DSE: variants seen among roughly 807,000 people sequenced by gnomAD.
The protein encoded by DSE is dermatan sulfate epimerase.
DSE carries 36 observed loss-of-function variants against 84.4 expected under a neutral mutation model. That is an observed-to-expected ratio of 0.43 (90% CI 0.33 to 0.56). The LOEUF (loss-of-function observed/expected upper bound fraction) is 0.56, where lower values mean the gene tolerates loss of function less well. DSE is among the 20% of genes least tolerant of loss of function. The pLI is 0.06. For synonymous variants in DSE, 410 were observed against 430.1 expected, an observed-to-expected ratio of 0.95 and a Z score of 0.58; for missense variants, 862 against 1,169.6, an observed-to-expected ratio of 0.74 and a Z score of 3.84.
intron 2 of DSE, among the ~76,000 whole-genome samples, chr6:116,316,820 C>T (rs1271771410): frequency 2.1e-5 from 2 of 97,532 alleles, no homozygotes; most frequent in Admixed American, 9.1e-5. Flanking sequence ...ACTACTACTA[C>T]TACTACTATT....
At chr6:116,349,300 G>A (rs909059402) in intron 2 of DSE, among the ~76,000 whole-genome samples, 1 of 152,284 alleles carries the variant, frequency 6.6e-6, no homozygotes, top group South Asian at 2.1e-4. Context: ...ATTGGATAGA[G>A]GTTGTGCTGA....
At chr6:116,303,706 A>C (rs1775173990) in intron 2 of DSE, among the ~76,000 whole-genome samples, 2 of 152,302 alleles carry the variant, frequency 1.3e-5, no homozygotes, top group East Asian at 3.9e-4. Flanking sequence ...CTTAAAAAGC[A>C]GTTACAATTC....
chr6:116,366,585 A>G (rs765302785), upstream of DSE: 11 of 152,230 alleles, frequency 7.2e-5, no homozygotes, highest in Non-Finnish European at 1.6e-4. Context: ...GTAGTTTATA[A>G]TAAGAGGTGA....
chr6:116,254,630 T>TA (rs1772066667), intron 1 of DSE, among the ~76,000 whole-genome samples: 1 of 152,238 alleles, frequency 6.6e-6, no homozygotes, highest in Non-Finnish European at 1.5e-5. Context: ...CAATTTGTCT[T>TA]ACAGATTTTA....
At chr6:116,322,389 A>G (rs2114765343) in intron 2 of DSE, among the ~76,000 whole-genome samples, 1 of 152,198 alleles carries the variant, frequency 6.6e-6, no homozygotes, top group South Asian at 2.1e-4. Context: ...CTCCTCCCTT[A>G]ATAGAATAAG....
intron 2 of DSE, among the ~76,000 whole-genome samples, chr6:116,311,667 C>T (rs991592858): frequency 6.6e-6 from 1 of 152,214 alleles, no homozygotes; most frequent in African/African-American, 2.4e-5. Flanking sequence ...CATTGTGCTC[C>T]AACCTCTGCT....
At chr6:116,376,961 A>G (rs1583127864) in intron 1 of DSE, among the ~76,000 whole-genome samples, 2 of 152,038 alleles carry the variant, frequency 1.3e-5, no homozygotes, top group Non-Finnish European at 2.9e-5. Context: ...GCCAACCCCC[A>G]CCTTTTGAGT....
At chr6:116,371,178 G>A (rs1779531124) in intron 1 of DSE, 57 bp downstream of exon 1, 16 of 985,622 alleles carry the variant, frequency 1.6e-5, no homozygotes, top group Non-Finnish European at 1.9e-5. Flanking sequence ...CTTTCTTCGG[G>A]AGTTTCGGGC....
chr6:116,395,424 A>G (rs963800547), intron 1 of DSE, among the ~76,000 whole-genome samples: 7 of 149,648 alleles, frequency 4.7e-5, no homozygotes, highest in Middle Eastern at 3.8e-3. Context: ...GACTCCGTCT[A>G]AAAAATAAAG....
intron 2 of DSE, among the ~76,000 whole-genome samples, chr6:116,293,521 G>A (rs1412339029): frequency 6.6e-6 from 1 of 152,088 alleles, no homozygotes; most frequent in East Asian, 1.9e-4. Context: ...ATATTTGTTT[G>A]AAGAGTGATT....
At chr6:116,397,652 T>C (rs926691868) in intron 1 of DSE, among the ~76,000 whole-genome samples, 5 of 152,226 alleles carry the variant, frequency 3.3e-5, no homozygotes, top group Non-Finnish European at 7.3e-5. Context: ...GCTGGGTCTC[T>C]GACCTTGAAG....
At chr6:116,308,453 AAACAT>A (rs1178086475) in intron 2 of DSE, among the ~76,000 whole-genome samples, 2 of 152,228 alleles carry the variant, frequency 1.3e-5, no homozygotes, top group African/African-American at 2.4e-5. Flanking sequence ...ATATGAATGA[AAACAT>A]AAGGAATATT....
intron 2 of DSE, among the ~76,000 whole-genome samples, chr6:116,353,974 A>G (rs1310797390): frequency 6.6e-6 from 1 of 152,228 alleles, no homozygotes; most frequent in Admixed American, 6.5e-5. Context: ...GTCTTCAGAT[A>G]CTGAATTATA....
At chr6:116,322,234 C>T (rs1006503807) in intron 2 of DSE, among the ~76,000 whole-genome samples, 11 of 152,114 alleles carry the variant, frequency 7.2e-5, no homozygotes, top group Middle Eastern at 3.4e-3. Flanking sequence ...ATAACATAAC[C>T]GATTAGGTCG....
intron 2 of DSE, among the ~76,000 whole-genome samples, chr6:116,315,416 G>T (rs1449025231): frequency 2.0e-5 from 3 of 151,744 alleles, no homozygotes; most frequent in African/African-American, 7.3e-5. Flanking sequence ...AATGTCATAA[G>T]GGCAGGAATT....
At chr6:116,338,245 G>A (rs796350001) in intron 2 of DSE, among the ~76,000 whole-genome samples, 109 of 95,872 alleles carry the variant, frequency 1.1e-3, no homozygotes, top group African/African-American at 4.8e-3. Context: ...TTTTTTTGAC[G>A]GAGGTTTGCT....
chr6:116,409,078 GGATATATAT>G (rs1317360151), intron 2 of DSE, among the ~76,000 whole-genome samples: 1 of 151,894 alleles, frequency 6.6e-6, no homozygotes, highest in Non-Finnish European at 1.5e-5. Context: ...TGTAATTTGG[GGATATATAT>G]GATATATACT....
At chr6:116,396,957 A>C (rs975101334) in intron 1 of DSE, among the ~76,000 whole-genome samples, 3 of 152,074 alleles carry the variant, frequency 2.0e-5, no homozygotes, top group African/African-American at 7.2e-5. Flanking sequence ...ATGCCTTCTT[A>C]CCCATATGCT....
rs548961586 is a variant in DSE at position 116,437,402 on chromosome 6, A to C, written c.*57A>C. The stretch of plus-strand genomic sequence containing the variant: ...TGATCACAAGAGTCTATGCAAAAAA[A>C]AAAATTTCTTTACCCCAGATTATCA... On this transcript the variant is annotated 3_prime_UTR_variant, in exon 6 of 6. Coordinates refer to ENST00000644252, the MANE Select transcript of DSE (RefSeq NM_013352.4). The C allele has an allele frequency of 8.6e-5, 122 of 1,416,938 alleles. No homozygotes were observed. The African/African-American group carries it at 1.6e-3, about 19-fold the overall frequency. 87.8% of individuals were successfully genotyped at this position (1,416,938 alleles called of 1,614,324 possible).
Sources: allele counts gnomAD v4.1 joint callset (sites outside exome capture counted in the v4.1 genomes callset), GRCh38; gene constraint gnomAD v4.1.1; transcripts MANE v1.5; gene names NCBI Gene and HGNC (gene_info 2026-07-23, HGNC 2026-07-21).